The following DCPS variants were observed in gnomAD, a reference collection of about 807,000 sequenced individuals.
DCPS encodes decapping enzyme, scavenger.
A neutral mutation model predicts 34.7 loss-of-function variants in DCPS; 27 were observed. The observed-to-expected ratio is 0.78, with a 90% CI of 0.57 to 1.07. DCPS has a LOEUF of 1.07. Among genes scored for constraint, DCPS ranks in the 50% least tolerant of loss-of-function variants. The pLI is 0.00. For missense variants in DCPS, 464 were observed against 436.9 expected (o/e 1.06, Z -0.55); for synonymous variants, 185 against 185.7 (o/e 1.00, Z 0.03).
At position 126,345,401 on chromosome 11, in the gene DCPS, C is replaced by T; in HGVS notation, c.802C>T (p.His268Tyr). The change falls in exon 6 of 6, where the codon CAC becomes TAC. Residue 268 changes from histidine (H) to tyrosine (Y), a missense_variant. Transcript: ENST00000263579. This position sits in a 1 kb window ranked among gnomAD's most constrained non-coding sequence, Gnocchi z 7.4. ...GGGAGACCATCTGCGAGTATACCTG[C>T]ACTACCTGCCCTCCTACTACCACCT... ...MKGDHLRVYL[H>Y]YLPSYYHLHV... The T allele has an allele frequency of 6.2e-7, 1 of 1,614,214 alleles. No homozygotes were observed. Among genetic ancestry groups the T allele is most frequent in the Non-Finnish European group, 8.5e-7 (1 of 1,180,032 alleles).
At position 126,315,960 on chromosome 11, in the gene DCPS, A is replaced by T. The variant is rs116570004; in HGVS notation, c.376+9216A>T. Among the ~76,000 whole-genome samples the T allele has an allele frequency of 0.023, 3,523 of 152,032 alleles. 185 individuals are homozygous for T. Among genetic ancestry groups the T allele is most frequent in the African/African-American group, 0.082 (3,398 of 41,362 alleles). On this transcript the variant is annotated intron_variant, in intron 2 of 5. Coordinates refer to ENST00000263579, the MANE Select transcript of DCPS (RefSeq NM_014026.6). The surrounding 1 kb of genome is among the most constrained non-coding windows in gnomAD (Gnocchi z 6.1). ...ACTCCTGACCTCAAGTGATCTGCCC[A>T]CCTCACCCTTTCAAAGTGCTGGGAT... is the stretch of plus-strand genomic sequence containing the variant.
At chr11:126,304,347 A>AT (rs113633139) in intron 1 of DCPS, 66 bp downstream of exon 1, 25,219 of 1,194,484 alleles carry the variant, frequency 0.021, 28 homozygotes, top group African/African-American at 0.039. Flanking sequence ...TCGGAGGCAG[A>AT]TTTTTTTTTT....
intron 1 of DCPS, among the ~76,000 whole-genome samples, chr11:126,306,230 AG>A (rs1175826326): frequency 6.6e-6 from 1 of 152,038 alleles, no homozygotes; most frequent in Non-Finnish European, 1.5e-5. Context: ...AAAATTAGCC[AG>A]ATGTGGTGGC....
intron 2 of DCPS, among the ~76,000 whole-genome samples, chr11:126,326,116 C>CA (rs1565375448): frequency 6.6e-6 from 1 of 152,108 alleles, no homozygotes; most frequent in African/African-American, 2.4e-5. Flanking sequence ...GATTCCATCT[C>CA]AAAAAATACA....
At chr11:126,307,520 C>T (rs975540430) in intron 2 of DCPS, among the ~76,000 whole-genome samples, 3 of 151,932 alleles carry the variant, frequency 2.0e-5, no homozygotes, top group Non-Finnish European at 4.4e-5. Flanking sequence ...AAGCAATTCT[C>T]CTGCCTCAGC....
At position 126,306,595 on chromosome 11, in the gene DCPS, A is replaced by C; in HGVS notation, c.227A>C (p.Asp76Ala). Reference protein sequence around the residue: ...GKVNEASGDGDGEDAVVILEK... With the variant: ...GKVNEASGDGAGEDAVVILEK... ...GTGAATGAGGCCTCTGGGGATGGGG[A>C]TGGAGAGGATGCCGTTGTGATCCTG... The change falls in exon 2 of 6, where the codon GAT (aspartate) becomes GCT (alanine). Residue 76 changes from aspartate (D) to alanine (A), a missense_variant. Asp to Ala is a moderately radical substitution (Grantham distance 126). Coordinates refer to ENST00000263579, the MANE Select transcript of DCPS (RefSeq NM_014026.6). 1 of 1,611,674 alleles carries C rather than the reference A, an allele frequency of 6.2e-7. No homozygotes were observed. The highest frequency in any genetic ancestry group is 1.7e-4 in the Middle Eastern group (1 of 5,842).
Position 126,304,137 on chromosome 11 carries a change from G to A in DCPS, c.57G>A (p.Glu19=). ...GGAAGCGCGAATTGGACGTGGAGGA[G>A]GCCCACGCCGCCAGCACAGAGGAAA... ...GKRKRELDVE[E]AHAASTEEKE... is the part of the protein sequence containing the mutation. The change falls in exon 1 of 6, where the codon GAG becomes GAA. Residue 19 remains glutamate, a synonymous_variant. Coordinates refer to ENST00000263579, the MANE Select transcript of DCPS (RefSeq NM_014026.6). The A allele has an allele frequency of 6.2e-7, 1 of 1,614,138 alleles. No homozygotes were observed.
Position 126,312,751 on chromosome 11 carries a change from G to A in DCPS, c.376+6007G>A, listed in dbSNP as rs1951627565. Among the ~76,000 whole-genome samples, 1 of 152,188 alleles carries A rather than the reference G, an allele frequency of 6.6e-6. No homozygotes were observed. The highest frequency in any genetic ancestry group is 1.5e-5 in the Non-Finnish European group (1 of 68,042). ...GTATAGAGCACGTGGCACAGTAGCTGTCATATGGTCTGTATCCAATAAGTG... is the reference window on the plus strand; with the variant it reads ...GTATAGAGCACGTGGCACAGTAGCTATCATATGGTCTGTATCCAATAAGTG... On this transcript the variant is annotated intron_variant, in intron 2 of 5. Transcript: ENST00000263579. The surrounding 1 kb of genome is among the most constrained non-coding windows in gnomAD (Gnocchi z 5.1).
intron 2 of DCPS, among the ~76,000 whole-genome samples, chr11:126,324,580 G>A (rs1177357618): frequency 6.1e-5 from 9 of 148,188 alleles, no homozygotes; most frequent in Admixed American, 6.7e-5. Flanking sequence ...AGCCTTCTGA[G>A]TAGCTGGGAC....
Position 126,343,544 on chromosome 11 carries a change from C to T in DCPS, c.747+127C>T, listed in dbSNP as rs892133165. ...GAGAGACTTCTCTCTGGATGCCAGT[C>T]TTGGGGACCCCATTAGGCTCTTGAG... is the stretch of plus-strand genomic sequence containing the variant. On this transcript the variant is annotated intron_variant, in intron 5 of 5. Coordinates refer to ENST00000263579, the MANE Select transcript of DCPS (RefSeq NM_014026.6). 3.7e-6 allele frequency: 3 copies of T among 805,522 alleles called. No individual in the cohort carries two copies. The African/African-American group carries it at 5.1e-5, about 14-fold the overall frequency. The allele number at this position is 805,522 out of a possible 1,614,324, so 49.9% of individuals were successfully genotyped here.
At chr11:126,324,629 CTTTTT>C (rs58091804) in intron 2 of DCPS, among the ~76,000 whole-genome samples, 3 of 99,942 alleles carry the variant, frequency 3.0e-5, no homozygotes, top group African/African-American at 8.4e-5. Flanking sequence ...ATTTTTCTGC[CTTTTT>C]TTTTTTTTTT....
rs1170337698 is a variant in DCPS, at chr11:126,336,950, G to A, written c.523-1336G>A. ...GCTTCCTGTGGGTAGAGAGTTGCAG[G>A]AGACCTCGAGGCCCAGCTGCCCTCT... On this transcript the variant is annotated intron_variant, in intron 3 of 5. Coordinates refer to ENST00000263579, the MANE Select transcript of DCPS (RefSeq NM_014026.6). This position sits in a 1 kb window ranked among gnomAD's most constrained non-coding sequence, Gnocchi z 6.3. 4 of 152,428 alleles carry A rather than the reference G, an allele frequency of 2.6e-5. No homozygotes were observed. The highest frequency in any genetic ancestry group is 1.3e-4 in the Admixed American group (2 of 15,278). 9.4% of individuals were successfully genotyped at this position (152,428 alleles called of 1,614,324 possible).
At chr11:126,316,329 C>A (rs1194358004) in intron 2 of DCPS, among the ~76,000 whole-genome samples, 1 of 142,568 alleles carries the variant, frequency 7.0e-6, no homozygotes, top group Non-Finnish European at 1.5e-5. Context: ...TCCGTGATTT[C>A]TTTTTTTTTT....
In DCPS at chr11:126,334,559, G is replaced by T. The variant is rs1318963429; in HGVS notation, c.522+3009G>T. 6.6e-6 allele frequency among the ~76,000 whole-genome samples: 1 copy of T among 152,078 alleles called. No homozygotes were observed. The highest frequency in any genetic ancestry group is 2.4e-5 in the African/African-American group (1 of 41,400). ...GAGTTTCACCATGTTGGCCAGGCTG[G>T]TCTCAAACTCCTGACCTCAAGTGAC... On this transcript the variant is annotated intron_variant, in intron 3 of 5. Transcript: ENST00000263579. This position sits in a 1 kb window ranked among gnomAD's most constrained non-coding sequence, Gnocchi z 5.5.
At chr11:126,326,995 C>G (rs1951746009) in intron 2 of DCPS, among the ~76,000 whole-genome samples, 1 of 151,982 alleles carries the variant, frequency 6.6e-6, no homozygotes, top group African/African-American at 2.4e-5. Context: ...TTTTCTGTCT[C>G]CACATATACG....
chr11:126,305,716 G>A (rs1423925287), intron 1 of DCPS, among the ~76,000 whole-genome samples: 2 of 152,056 alleles, frequency 1.3e-5, no homozygotes, highest in Non-Finnish European at 2.9e-5. Context: ...CGACTGCGCT[G>A]GGCCTTGTTT....
Position 126,345,546 on chromosome 11 carries a change from C to A in DCPS, c.947C>A (p.Thr316Lys). Residue 316 changes from threonine (T) to lysine (K), a missense_variant, in exon 6 of 6, where the codon ACG (threonine) becomes AAG (lysine). Coordinates refer to ENST00000263579, the MANE Select transcript of DCPS (RefSeq NM_014026.6). This position sits in a 1 kb window ranked among gnomAD's most constrained non-coding sequence, Gnocchi z 7.4. ...GACCCTAGGCACTACCAGCAGCGCA[C>A]GCTCACCTTCGCCCTCAGGGCTGAC... ...ECDPRHYQQR[T>K]LTFALRADDP... 3 of 1,613,974 alleles carry A rather than the reference C, an allele frequency of 1.9e-6. No homozygotes were observed. The highest frequency in any genetic ancestry group is 4.5e-5 in the East Asian group (2 of 44,880).
chr11:126,332,550 C>T lies in DCPS; in HGVS notation c.522+1000C>T, dbSNP rs1951801648. 6.6e-6 allele frequency among the ~76,000 whole-genome samples: 1 copy of T among 152,212 alleles called. No individual in the cohort carries two copies. Among genetic ancestry groups the T allele is most frequent in the African/African-American group, 2.4e-5 (1 of 41,450 alleles). ...ATGTGAGGAACTCACAGCCACTCCT[C>T]CCTGGCCCAGAAGAAGGGAGGGTAC... On this transcript the variant is annotated intron_variant, in intron 3 of 5. Transcript: ENST00000263579. This position sits in a 1 kb window ranked among gnomAD's most constrained non-coding sequence, Gnocchi z 5.4.
rs1274811332 is a variant in DCPS at position 126,334,966 on chromosome 11, T to A, written c.523-3320T>A. Among the ~76,000 whole-genome samples, 1 of 152,202 alleles carries A rather than the reference T, an allele frequency of 6.6e-6. No individual in the cohort carries two copies. Among genetic ancestry groups the A allele is most frequent in the African/African-American group, 2.4e-5 (1 of 41,458 alleles). On this transcript the variant is annotated intron_variant, in intron 3 of 5. Transcript: ENST00000263579. The surrounding 1 kb of genome is among the most constrained non-coding windows in gnomAD (Gnocchi z 5.5). ...GGTTTCCTTGTCTGAAAAATGTAAC[T>A]AATGGCTCCTCCCTCCTGGGTGTTG...
Sources: gnomAD v4.1 joint callset for allele counts (sites outside exome capture counted in the v4.1 genomes callset) on GRCh38, gnomAD v4.1.1 for gene constraint, Gnocchi (gnomAD v3.1) non-coding constraint, MANE v1.5 for transcripts, NCBI Gene and HGNC (gene_info 2026-07-23, HGNC 2026-07-21) for gene names.